The following ZBTB46 variants were observed in gnomAD, a reference collection of about 807,000 sequenced individuals.
The protein encoded by ZBTB46 is zinc finger and BTB domain-containing protein 46.
ZBTB46 carries 8 observed loss-of-function variants against 44.1 expected under a neutral mutation model. The ratio of observed to expected loss-of-function variants is 0.18; its 90% CI spans 0.11 to 0.33. The LOEUF (loss-of-function observed/expected upper bound fraction) is 0.33. Among genes scored for constraint, ZBTB46 ranks in the 10% least tolerant of loss-of-function variants. ZBTB46 has a pLI of 1.00. For synonymous variants in ZBTB46, 409 were observed against 382.3 expected (o/e 1.07, Z -0.81); for missense variants, 651 against 847.7 (o/e 0.77, Z 2.88).
At chr20:63,760,005 G>A (rs577034914) in intron 3 of ZBTB46, among the ~76,000 whole-genome samples, 9 of 152,218 alleles carry the variant, frequency 5.9e-5, no homozygotes, top group Admixed American at 1.3e-4. Context: ...CATGCAACAC[G>A]GTTCTTCCTC....
At position 63,744,182 on chromosome 20, in the gene ZBTB46, A is replaced by AGAT. The variant is rs1169402042; in HGVS notation, c.*2745_*2747dup. On this transcript the variant is annotated 3_prime_UTR_variant, in exon 5 of 5. Transcript: ENST00000245663. Reference sequence around the variant, plus strand: ...ACATGTCACAGAATGAGCTAAAATAAGATTACTTCTTTTATAATATTGCAA... The same window carrying AGAT: ...ACATGTCACAGAATGAGCTAAAATAAGATGATTACTTCTTTTATAATATTGCAA... 1 of 152,198 alleles carries AGAT rather than the reference A, an allele frequency of 6.6e-6. No individual in the cohort carries two copies. Among genetic ancestry groups the AGAT allele is most frequent in the Non-Finnish European group, 1.5e-5 (1 of 68,030 alleles). 9.4% of individuals were successfully genotyped at this position (152,198 alleles called of 1,614,324 possible). A position where few individuals can be genotyped will look rare whatever the true frequency, so the allele number is the denominator to read the frequency against.
At chr20:63,801,472 G>A (rs1337495989) in intron 1 of ZBTB46, among the ~76,000 whole-genome samples, 2 of 152,208 alleles carry the variant, frequency 1.3e-5, no homozygotes, top group Non-Finnish European at 2.9e-5. Context: ...GTGGGGCCAG[G>A]TAAGGGAATA....
At chr20:63,833,751 A>G (rs1265750398), upstream of ZBTB46, among the ~76,000 whole-genome samples, 2 of 152,210 alleles carry the variant, frequency 1.3e-5, no homozygotes, top group East Asian at 3.9e-4. Flanking sequence ...CCAAGAACCA[A>G]CAGAAGGTCA....
intron 3 of ZBTB46, among the ~76,000 whole-genome samples, chr20:63,756,037 GC>G (rs1470537421): frequency 6.6e-6 from 1 of 152,186 alleles, no homozygotes; most frequent in Non-Finnish European, 1.5e-5. Context: ...GTACAGAATT[GC>G]CCCTGTGAAA....
At chr20:63,793,122 C>T (rs375682881) in intron 1 of ZBTB46, among the ~76,000 whole-genome samples, 14 of 141,706 alleles carry the variant, frequency 9.9e-5, no homozygotes, top group African/African-American at 2.7e-4. Flanking sequence ...ACCAGGCCCC[C>T]GCCTGACTCC....
upstream of ZBTB46, among the ~76,000 whole-genome samples, chr20:63,831,712 CG>C (rs2092853443): frequency 6.6e-6 from 1 of 150,778 alleles, no homozygotes; most frequent in Non-Finnish European, 1.5e-5. Context: ...GCTCCCTTCC[CG>C]GGCCGCGCAC....
intron 4 of ZBTB46, among the ~76,000 whole-genome samples, chr20:63,751,633 C>T (rs958317496): frequency 6.8e-6 from 1 of 147,910 alleles, no homozygotes; most frequent in African/African-American, 2.5e-5. Context: ...AGTGGGTCTC[C>T]CCATAAAGCC....
rs548336716 is a variant in ZBTB46 at position 63,754,084 on chromosome 20, G to A, written c.1223-1223C>T. 1.1e-4 allele frequency among the ~76,000 whole-genome samples: 17 copies of A among 152,328 alleles called. 2 individuals are homozygous for A. The South Asian group carries it at 3.3e-3, about 30-fold the overall frequency. ...CATCTGCCAGGAGCGCTCATTTTGT[G>A]AGACTGGAGCATGTCTGTGTGGCCA... On this transcript the variant is annotated intron_variant, in intron 3 of 4. Transcript: ENST00000245663.
intron 1 of ZBTB46, among the ~76,000 whole-genome samples, chr20:63,823,858 T>TTGTGTGTGTGTG (rs11474683): frequency 0.018 from 2,653 of 144,780 alleles, 51 homozygotes; most frequent in East Asian, 0.043. Flanking sequence ...TCTAGGAACC[T>TTGTGTGTGTGTG]TGTGTGTGTG....
In ZBTB46 at chr20:63,752,252, C is replaced by T. The variant is rs2145766795; in HGVS notation, c.1398+434G>A. ...TCCCCAAGCAAATCCATCCACTCCA[C>T]ACCTGCTACCTGACAACGACCTGCC... On this transcript the variant is annotated intron_variant, in intron 4 of 4. Transcript: ENST00000245663. The surrounding 1 kb of genome is among the most constrained non-coding windows in gnomAD (Gnocchi z 5.6). 6.6e-6 allele frequency among the ~76,000 whole-genome samples: 1 copy of T among 152,288 alleles called. No homozygotes were observed. The highest frequency in any genetic ancestry group is 2.1e-4 in the South Asian group (1 of 4,824).
At chr20:63,808,480 G>A (rs2092696663) in intron 1 of ZBTB46, among the ~76,000 whole-genome samples, 3 of 152,266 alleles carry the variant, frequency 2.0e-5, no homozygotes, top group South Asian at 2.1e-4. Context: ...CGGGCCCGGC[G>A]GGAGGGAAGG....
intron 1 of ZBTB46, among the ~76,000 whole-genome samples, chr20:63,808,970 C>T (rs1443974105): frequency 8.1e-6 from 1 of 122,812 alleles, no homozygotes; most frequent in African/African-American, 3.2e-5. Context: ...GAGCGAGACT[C>T]CGCTTCAAAA....
chr20:63,806,755 C>T (rs1015893007), intron 1 of ZBTB46, among the ~76,000 whole-genome samples: 1 of 151,854 alleles, frequency 6.6e-6, no homozygotes, highest in African/African-American at 2.4e-5. Context: ...ACTACAGGCG[C>T]CCACCACCAC....
At chr20:63,751,132 C>T (rs1300225143) in intron 4 of ZBTB46, among the ~76,000 whole-genome samples, 1 of 133,702 alleles carries the variant, frequency 7.5e-6, no homozygotes, top group Non-Finnish European at 1.6e-5. Context: ...ACCCCTCCCC[C>T]CGCCCCCGCG....
At chr20:63,815,822 T>C in intron 1 of ZBTB46, among the ~76,000 whole-genome samples, 1 of 141,952 alleles carries the variant, frequency 7.0e-6, no homozygotes, top group African/African-American at 2.8e-5. Context: ...ATAGGTGCAG[T>C]GAGTGCAGGT....
chr20:63,757,544 T>C (rs6010640), intron 3 of ZBTB46, among the ~76,000 whole-genome samples: 144,157 of 152,232 alleles, frequency 0.95, 68,308 homozygotes, highest in East Asian at 0.99. Context: ...CCTGGCGGCG[T>C]GTCTACCCTG....
chr20:63,756,665 C>A (rs895342995), intron 3 of ZBTB46, among the ~76,000 whole-genome samples: 1 of 152,230 alleles, frequency 6.6e-6, no homozygotes, highest in African/African-American at 2.4e-5. Flanking sequence ...TGCGTGTTCC[C>A]AGCACCCTCG....
intron 3 of ZBTB46, among the ~76,000 whole-genome samples, chr20:63,762,907 G>A (rs906678417): frequency 5.9e-5 from 9 of 151,824 alleles, no homozygotes; most frequent in South Asian, 4.2e-4. Flanking sequence ...CGTTACCCAC[G>A]CTGGAGTACA....
chr20:63,772,039 G>C lies in ZBTB46; in HGVS notation c.1222+3639C>G, dbSNP rs891635929. On this transcript the variant is annotated intron_variant, in intron 3 of 4. Coordinates refer to ENST00000245663, the MANE Select transcript of ZBTB46 (RefSeq NM_001369741.1). ...TTTTCTGACGAGTTTCGGTCTTGTT[G>C]CCCAGGTTGGAATGGCATGATCTCG... Among the ~76,000 whole-genome samples the C allele has an allele frequency of 1.1e-4, 15 of 137,806 alleles. No homozygotes were observed. In the Admixed American group the frequency reaches 1.2e-3, roughly 11 times the overall value. The allele number at this position is 137,806 out of a possible 152,430, so 90.4% of individuals were successfully genotyped here.
Sources: allele counts gnomAD v4.1 joint callset (sites outside exome capture counted in the v4.1 genomes callset), GRCh38; gene constraint gnomAD v4.1.1; non-coding constraint Gnocchi (gnomAD v3.1); transcripts MANE v1.5; gene names NCBI Gene and HGNC (gene_info 2026-07-23, HGNC 2026-07-21).